Variants in ODR4 observed in about 807,000 individuals in gnomAD.
ODR4 encodes the protein odr-4 GPCR localization factor homolog.
Under a neutral mutation model 60.2 loss-of-function variants are expected in ODR4, and 47 were observed. The observed-to-expected ratio is 0.78, with a 90% CI of 0.62 to 1.00. The LOEUF (loss-of-function observed/expected upper bound fraction) is 1.00. Ranked by LOEUF, ODR4 falls within the 50% of genes least tolerant of loss-of-function variation. The probability of loss-of-function intolerance (pLI) is 0.00; values close to 1 mark genes in which losing one functional copy is unlikely to be tolerated. For synonymous variants in ODR4, 178 were observed against 175.5 expected (o/e 1.01, Z -0.11); for missense variants, 488 against 530.8 (o/e 0.92, Z 0.79).
At chr1:186,393,885 A>G in intron 8 of ODR4, 62 bp from the exon 9 acceptor site, 1 of 856,884 alleles carries the variant, frequency 1.2e-6, no homozygotes, top group Non-Finnish European at 1.9e-6. Context: ...AATAGTTTAT[A>G]AGTTGTCTTT....
At chr1:186,414,871 T>C (rs1445518831) in intron 12 of ODR4, among the ~76,000 whole-genome samples, 1 of 152,158 alleles carries the variant, frequency 6.6e-6, no homozygotes, top group Non-Finnish European at 1.5e-5. Context: ...CCGAAGTTTG[T>C]TTTTGTTTTT....
intron 1 of ODR4, 111 bp from the exon 2 acceptor site, chr1:186,379,656 C>CTCAT: frequency 1.7e-6 from 1 of 576,940 alleles, no homozygotes; most frequent in South Asian, 2.6e-5. Context: ...TGCTGCAAGG[C>CTCAT]ATGAGATAGC....
At chr1:186,399,280 C>A in intron 11 of ODR4, 1 of 506,874 alleles carries the variant, frequency 2.0e-6, no homozygotes, top group Admixed American at 2.6e-5. Context: ...TCATGGCTCA[C>A]CTGCAGCCTC....
At chr1:186,406,006 A>T in intron 11 of ODR4, 77 bp from the exon 12 acceptor site, 1 of 1,006,498 alleles carries the variant, frequency 9.9e-7, no homozygotes, top group East Asian at 2.9e-5. Context: ...TAGTTTTTGT[A>T]TGTACTTCTA....
intron 5 of ODR4, 41 bp from the exon 6 acceptor site, chr1:186,389,547 A>T: frequency 6.9e-7 from 1 of 1,440,590 alleles, no homozygotes; most frequent in Non-Finnish European, 9.5e-7. Flanking sequence ...TTAGTTACCA[A>T]TAATGCCTTT....
rs781355888 is a variant in ODR4 at position 186,406,108 on chromosome 1, C to T, written c.1026C>T (p.Leu342=). 1 of 1,588,274 alleles carries T rather than the reference C, an allele frequency of 6.3e-7. No individual in the cohort carries two copies. Among genetic ancestry groups the T allele is most frequent in the Non-Finnish European group, 8.6e-7 (1 of 1,168,676 alleles). The change falls in exon 12 of 14, where the codon CTC becomes CTT. Residue 342 remains leucine, a synonymous_variant. Coordinates refer to ENST00000287859, the MANE Select transcript of ODR4 (RefSeq NM_017847.6). ...ATTCTGAAAAAGAGTTCCACGTCCT[C>T]CCTTATCGAGTCTTTGTTCCCCTTC... ...KKDSEKEFHV[L]PYRVFVPLPG...
chr1:186,417,961 A>C (rs1345701083), intron 13 of ODR4, among the ~76,000 whole-genome samples: 1 of 152,196 alleles, frequency 6.6e-6, no homozygotes, highest in Admixed American at 6.5e-5. Flanking sequence ...GTGTTCTTAG[A>C]ATTACTATTG....
At chr1:186,411,452 T>A (rs1571698099) in intron 12 of ODR4, among the ~76,000 whole-genome samples, 1 of 152,012 alleles carries the variant, frequency 6.6e-6, no homozygotes, top group Admixed American at 6.5e-5. Flanking sequence ...AAATAAAAGT[T>A]TTAATTTTAG....
At chr1:186,423,441 T>TG (rs1661830687), downstream of ODR4, among the ~76,000 whole-genome samples, 4 of 130,114 alleles carry the variant, frequency 3.1e-5, no homozygotes, top group African/African-American at 1.1e-4. Context: ...CCACTACTTG[T>TG]GCTTTTTTTT....
At chr1:186,395,476 A>G (rs990200765) in intron 9 of ODR4, among the ~76,000 whole-genome samples, 31 of 152,306 alleles carry the variant, frequency 2.0e-4, no homozygotes, top group African/African-American at 7.0e-4. Flanking sequence ...TGAAGTGACT[A>G]ATATACAGTA....
At chr1:186,377,604 G>T (rs1659834608) in intron 1 of ODR4, among the ~76,000 whole-genome samples, 1 of 152,160 alleles carries the variant, frequency 6.6e-6, no homozygotes, top group Non-Finnish European at 1.5e-5. Flanking sequence ...GAGGAAAGTA[G>T]ATACATAGAA....
At chr1:186,386,143 A>G in intron 4 of ODR4, 60 bp downstream of exon 4, 1 of 943,986 alleles carries the variant, frequency 1.1e-6, no homozygotes. Context: ...TTTACTGATT[A>G]TGAGTATGTG....
At chr1:186,381,213 T>G (rs1660005444) in intron 2 of ODR4, among the ~76,000 whole-genome samples, 1 of 152,224 alleles carries the variant, frequency 6.6e-6, no homozygotes, top group Non-Finnish European at 1.5e-5. Flanking sequence ...TCAGTAGAGA[T>G]AAAAAGTCAG....
chr1:186,400,818 A>T, intron 11 of ODR4: 1 of 376,180 alleles, frequency 2.7e-6, no homozygotes, highest in Non-Finnish European at 4.8e-6. Flanking sequence ...ATTTTGCTGG[A>T]ACATGAATTT....
chr1:186,409,531 G>A (rs1201391878), intron 12 of ODR4, among the ~76,000 whole-genome samples: 1 of 152,180 alleles, frequency 6.6e-6, no homozygotes, highest in Non-Finnish European at 1.5e-5. Context: ...CTGTCTTCAA[G>A]GAGCTAAGTA....
At chr1:186,429,569 T>C in the ODR4 span, among the ~76,000 whole-genome samples, 1 of 152,176 alleles carries the variant, frequency 6.6e-6, no homozygotes, top group Non-Finnish European at 1.5e-5. Flanking sequence ...GTCTGTCTTT[T>C]ACTACAGTGC....
chr1:186,389,158 T>A (rs1660361608), intron 5 of ODR4, among the ~76,000 whole-genome samples: 1 of 150,172 alleles, frequency 6.7e-6, no homozygotes, highest in African/African-American at 2.4e-5. Flanking sequence ...TTTTTTTTTT[T>A]AACAACAACA....
chr1:186,381,467 A>T (rs1168075604), intron 2 of ODR4, among the ~76,000 whole-genome samples: 1 of 152,034 alleles, frequency 6.6e-6, no homozygotes, highest in African/African-American at 2.4e-5. Context: ...AGCTGGGACT[A>T]CAGGCGCCCG....
rs1160277551 is a variant in ODR4 at position 186,394,365 on chromosome 1, CAA to C, written c.780+352_780+353del. On this transcript the variant is annotated intron_variant, in intron 9 of 13. Transcript: ENST00000287859. ...CTTAAAAGATGTGTACACAGAGGTGCAAAGAGTTGTCATATGCTTATTTTGAA... is the reference window on the plus strand; with the variant it reads ...CTTAAAAGATGTGTACACAGAGGTGCAGAGTTGTCATATGCTTATTTTGAA... Among the ~76,000 whole-genome samples the C allele has an allele frequency of 2.0e-5, 3 of 152,026 alleles. No individual in the cohort carries two copies. The East Asian group carries it at 5.8e-4, about 29-fold the overall frequency.
Sources: gnomAD v4.1 joint callset for allele counts (sites outside exome capture counted in the v4.1 genomes callset) on GRCh38, gnomAD v4.1.1 for gene constraint, MANE v1.5 for transcripts, NCBI Gene and HGNC (gene_info 2026-07-23, HGNC 2026-07-21) for gene names.